Variants in PRKCA observed in about 807,000 individuals in gnomAD.
PRKCA encodes protein kinase C alpha.
PRKCA carries 27 observed loss-of-function variants against 87.0 expected under a neutral mutation model. That is an observed-to-expected ratio of 0.31 (90% CI 0.23 to 0.43). The LOEUF (loss-of-function observed/expected upper bound fraction) is 0.43, where lower values mean the gene tolerates loss of function less well. Among genes scored for constraint, PRKCA ranks in the 20% least tolerant of loss-of-function variants. The pLI is 1.00. For missense variants in PRKCA, 518 were observed against 852.3 expected (o/e 0.61, Z 4.88); for synonymous variants, 329 against 311.1 (o/e 1.06, Z -0.61).
At chr17:66,724,876 G>T (rs565876187) in intron 8 of PRKCA, among the ~76,000 whole-genome samples, 1 of 152,292 alleles carries the variant, frequency 6.6e-6, no homozygotes, top group South Asian at 2.1e-4. Flanking sequence ...AGCCAGGAAG[G>T]GCAGGTCTCT....
At chr17:66,740,953 C>T (rs986447995) in intron 11 of PRKCA, among the ~76,000 whole-genome samples, 5 of 152,156 alleles carry the variant, frequency 3.3e-5, no homozygotes, top group Admixed American at 2.0e-4. Flanking sequence ...TTTTTTTCCT[C>T]TCTGCTCGTG....
chr17:66,765,420 A>ATCTATATCTATATATC (rs1229163447), intron 13 of PRKCA, among the ~76,000 whole-genome samples: 7 of 107,734 alleles, frequency 6.5e-5, no homozygotes, highest in Non-Finnish European at 1.1e-4. Flanking sequence ...GACTTTGTCT[A>ATCTATATCTATATATC]TATATATATA....
intron 3 of PRKCA, among the ~76,000 whole-genome samples, chr17:66,615,999 T>C (rs1218814904): frequency 6.6e-6 from 1 of 152,196 alleles, no homozygotes; most frequent in African/African-American, 2.4e-5. Context: ...CTCAATGCCT[T>C]GCTCAGCCAT....
intron 16 of PRKCA, chr17:66,797,008 G>C: frequency 1.0e-6 from 1 of 971,404 alleles, no homozygotes; most frequent in Non-Finnish European, 1.2e-6. Context: ...CTTTTTAACA[G>C]CAGTGTTTTG....
At chr17:66,447,980 C>T (rs534005216) in intron 2 of PRKCA, among the ~76,000 whole-genome samples, 24 of 152,220 alleles carry the variant, frequency 1.6e-4, no homozygotes, top group African/African-American at 5.1e-4. Context: ...CTGCTTCTGT[C>T]GGGCAGTGGG....
chr17:66,462,312 T>C (rs777772128), intron 2 of PRKCA, among the ~76,000 whole-genome samples: 1 of 152,140 alleles, frequency 6.6e-6, no homozygotes. Flanking sequence ...GAAAGCAACA[T>C]AGGATTCTTC....
chr17:66,334,534 C>T (rs536993269), intron 2 of PRKCA, among the ~76,000 whole-genome samples: 5 of 152,216 alleles, frequency 3.3e-5, no homozygotes, highest in South Asian at 2.1e-4. Flanking sequence ...AGATGCTCCA[C>T]GTTAGGGAAG....
At chr17:66,741,817 T>C in intron 12 of PRKCA, 96 bp downstream of exon 12, 1 of 1,292,428 alleles carries the variant, frequency 7.7e-7, no homozygotes, top group South Asian at 1.3e-5. Context: ...AGACACAGAG[T>C]TGATAACTCC....
intron 2 of PRKCA, among the ~76,000 whole-genome samples, chr17:66,344,242 C>T (rs1907221940): frequency 6.6e-6 from 1 of 152,194 alleles, no homozygotes; most frequent in Non-Finnish European, 1.5e-5. Context: ...TCTTTTCTGA[C>T]CACCTAAGAC....
chr17:66,348,362 G>T (rs149942893), intron 2 of PRKCA, among the ~76,000 whole-genome samples: 1 of 152,238 alleles, frequency 6.6e-6, no homozygotes, highest in African/African-American at 2.4e-5. Context: ...GTACCGCCTG[G>T]CACTGTCACC....
At chr17:66,360,884 G>T (rs532382026) in intron 2 of PRKCA, among the ~76,000 whole-genome samples, 1 of 152,284 alleles carries the variant, frequency 6.6e-6, no homozygotes, top group South Asian at 2.1e-4. Context: ...TAGGGAATGA[G>T]TTTGGAGTCG....
At chr17:66,431,723 C>T (rs549150350) in intron 2 of PRKCA, among the ~76,000 whole-genome samples, 1 of 152,284 alleles carries the variant, frequency 6.6e-6, no homozygotes, top group East Asian at 1.9e-4. Flanking sequence ...GAATTTAGCA[C>T]TAAATGGAAT....
At chr17:66,404,765 T>TTTTTTTTTTC in intron 2 of PRKCA, among the ~76,000 whole-genome samples, 1 of 143,518 alleles carries the variant, frequency 7.0e-6, no homozygotes, top group Non-Finnish European at 1.5e-5. Context: ...TTTTTTTTTT[T>TTTTTTTTTTC]TTTTGAGACA....
chr17:66,585,398 G>T (rs1167272537), intron 3 of PRKCA, among the ~76,000 whole-genome samples: 1 of 152,200 alleles, frequency 6.6e-6, no homozygotes, highest in Non-Finnish European at 1.5e-5. Context: ...CGATTTTACA[G>T]GCTGCTCTGC....
intron 8 of PRKCA, among the ~76,000 whole-genome samples, chr17:66,732,145 A>T (rs1472949538): frequency 6.6e-6 from 1 of 151,382 alleles, no homozygotes; most frequent in Non-Finnish European, 1.5e-5. Flanking sequence ...AAAAAAAACA[A>T]CCCAACCCCT....
At chr17:66,511,849 T>G (rs1382801580) in intron 3 of PRKCA, among the ~76,000 whole-genome samples, 1 of 151,922 alleles carries the variant, frequency 6.6e-6, no homozygotes, top group Non-Finnish European at 1.5e-5. Context: ...CTCGGCTTAT[T>G]TTTGTATTTT....
At chr17:66,695,395 G>A (rs1972891438) in intron 8 of PRKCA, among the ~76,000 whole-genome samples, 1 of 152,148 alleles carries the variant, frequency 6.6e-6, no homozygotes, top group Non-Finnish European at 1.5e-5. Flanking sequence ...GCATTTTGAT[G>A]GCTTTTAGCT....
intron 10 of PRKCA, among the ~76,000 whole-genome samples, chr17:66,738,173 GTGTT>G (rs1246864664): frequency 6.6e-6 from 1 of 152,224 alleles, no homozygotes; most frequent in Non-Finnish European, 1.5e-5. Flanking sequence ...TAGAAAAACA[GTGTT>G]TGGGCATATT....
chr17:66,476,989 G>T (rs1915562332), intron 2 of PRKCA, among the ~76,000 whole-genome samples: 1 of 152,124 alleles, frequency 6.6e-6, no homozygotes. Flanking sequence ...TTTAGAGTCG[G>T]AAACAGTTGA....
Sources: allele counts gnomAD v4.1 joint callset (sites outside exome capture counted in the v4.1 genomes callset), GRCh38; gene constraint gnomAD v4.1.1; transcripts MANE v1.5; gene names NCBI Gene and HGNC (gene_info 2026-07-23, HGNC 2026-07-21).